CPLANE1: variants seen among roughly 807,000 people sequenced by gnomAD.
CPLANE1 encodes the protein ciliogenesis and planar polarity effector complex subunit 1, also known as ciliogenesis and planar polarity effector 1.
CPLANE1 carries 263 observed loss-of-function variants against 362.5 expected under a neutral mutation model. That is an observed-to-expected ratio of 0.73 (90% confidence interval 0.66 to 0.80). CPLANE1 has a LOEUF of 0.80. Among genes scored for constraint, CPLANE1 ranks in the 30% least tolerant of loss-of-function variants. CPLANE1 has a pLI of 0.00. For synonymous variants in CPLANE1, 1,212 were observed against 1,302.6 expected, an observed-to-expected ratio of 0.93 and a Z score of 1.50; for missense variants, 3,461 against 3,793.4, an observed-to-expected ratio of 0.91 and a Z score of 2.30.
At chr5:37,103,459 T>A (rs571940340), downstream of CPLANE1, among the ~76,000 whole-genome samples, 1 of 152,220 alleles carries the variant, frequency 6.6e-6, no homozygotes, top group African/African-American at 2.4e-5. Flanking sequence ...TGCTTCATAG[T>A]GTCACTGGTC....
chr5:37,187,327 G>A (rs1055834029), intron 23 of CPLANE1, 87 bp downstream of exon 23: 4 of 1,107,656 alleles, frequency 3.6e-6, no homozygotes, highest in Non-Finnish European at 5.1e-6. Context: ...CCAAAGAAAG[G>A]CAACATCATC....
At chr5:37,094,975 C>T in the CPLANE1 span, among the ~76,000 whole-genome samples, 6 of 152,178 alleles carry the variant, frequency 3.9e-5, no homozygotes, top group South Asian at 8.3e-4. Context: ...CAGGACCAGA[C>T]GGATTCACAA....
chr5:37,117,865 C>T (rs903735892), intron 50 of CPLANE1, among the ~76,000 whole-genome samples: 14 of 152,198 alleles, frequency 9.2e-5, no homozygotes, highest in African/African-American at 3.1e-4. Flanking sequence ...AAAATAAAGA[C>T]TTGAAATTGA....
intron 18 of CPLANE1, 71 bp from the exon 19 acceptor site, chr5:37,201,879 A>C (rs1433925620): frequency 9.3e-7 from 1 of 1,078,084 alleles, no homozygotes; most frequent in African/African-American, 1.6e-5. Context: ...TGTAGGAAAA[A>C]ATTTCAAATC....
intron 18 of CPLANE1, among the ~76,000 whole-genome samples, chr5:37,202,459 C>T (rs1338863763): frequency 2.0e-5 from 3 of 152,118 alleles, no homozygotes; most frequent in East Asian, 1.9e-4. Flanking sequence ...GCCATTTTTC[C>T]TTTTCTTAAT....
chr5:37,241,658 A>G (rs1468426064), intron 6 of CPLANE1, among the ~76,000 whole-genome samples: 8 of 152,032 alleles, frequency 5.3e-5, no homozygotes, highest in Non-Finnish European at 1.0e-4. Context: ...ACAGGGTCTC[A>G]CTCTGTCACC....
intron 32 of CPLANE1, among the ~76,000 whole-genome samples, chr5:37,171,907 C>G (rs1334668692): frequency 6.6e-6 from 1 of 152,104 alleles, no homozygotes; most frequent in Non-Finnish European, 1.5e-5. Context: ...CAACCTCAGC[C>G]TGCCGAGTAG....
At chr5:37,103,143 C>T (rs936980812), downstream of CPLANE1, among the ~76,000 whole-genome samples, 7 of 152,058 alleles carry the variant, frequency 4.6e-5, no homozygotes, top group South Asian at 2.1e-4. Flanking sequence ...TATGTAATGG[C>T]CTTCTTTTTT....
intron 16 of CPLANE1, among the ~76,000 whole-genome samples, chr5:37,207,187 T>G (rs1791005030): frequency 6.6e-6 from 1 of 152,206 alleles, no homozygotes; most frequent in African/African-American, 2.4e-5. Context: ...AAAAAATACA[T>G]GTTGATGGGA....
At chr5:37,085,708 C>T in the CPLANE1 span, 2 of 1,198,154 alleles carry the variant, frequency 1.7e-6, no homozygotes, top group Non-Finnish European at 2.5e-6. Context: ...TCAATGGCAA[C>T]AGCTTTGCTA....
chr5:37,240,183 T>C (rs1410132565), intron 6 of CPLANE1, among the ~76,000 whole-genome samples: 1 of 152,044 alleles, frequency 6.6e-6, no homozygotes, highest in Non-Finnish European at 1.5e-5. Context: ...AAATCCCGTC[T>C]CTGCTAAAAA....
intron 25 of CPLANE1, among the ~76,000 whole-genome samples, chr5:37,184,168 TACC>T (rs1475213648): frequency 6.6e-6 from 1 of 152,214 alleles, no homozygotes; most frequent in African/African-American, 2.4e-5. Context: ...TTTTTTGTTT[TACC>T]ACACAAAAAC....
chr5:37,133,022 G>A (rs901566465), intron 46 of CPLANE1, among the ~76,000 whole-genome samples: 66 of 152,228 alleles, frequency 4.3e-4, no homozygotes, highest in Middle Eastern at 3.4e-3. Flanking sequence ...CCTTTATAGG[G>A]AGTCATTTCC....
the CPLANE1 span, among the ~76,000 whole-genome samples, chr5:37,083,442 C>T: frequency 6.6e-6 from 1 of 152,070 alleles, no homozygotes; most frequent in African/African-American, 2.4e-5. Flanking sequence ...CCCTGATTTA[C>T]CTGAAAAAGA....
At chr5:37,178,289 C>CAAAAAT (rs961190170) in intron 29 of CPLANE1, among the ~76,000 whole-genome samples, 49 of 149,680 alleles carry the variant, frequency 3.3e-4, no homozygotes, top group Admixed American at 2.6e-3. Flanking sequence ...AAGACTGTCT[C>CAAAAAT]AAAAATAAAA....
At chr5:37,160,146 C>T (rs1247638108) in intron 38 of CPLANE1, among the ~76,000 whole-genome samples, 3 of 152,048 alleles carry the variant, frequency 2.0e-5, no homozygotes, top group Non-Finnish European at 4.4e-5. Flanking sequence ...TGGGCCTTCA[C>T]CTAGATGAAT....
At chr5:37,089,264 C>G in the CPLANE1 span, among the ~76,000 whole-genome samples, 1 of 152,162 alleles carries the variant, frequency 6.6e-6, no homozygotes, top group Admixed American at 6.5e-5. Flanking sequence ...CGCCCCCTAA[C>G]ATGCTATGAT....
Position 37,122,049 on chromosome 5 carries a change from T to C in CPLANE1, c.9018-265A>G, listed in dbSNP as rs546726843. ...CGCCTGGCCACCATGCCCGGCTAAT[T>C]TCACTTAGCATTTTCTTTCTTCAGC... On this transcript the variant is annotated intron_variant, in intron 48 of 52. Coordinates refer to ENST00000651892, the MANE Select transcript of CPLANE1 (RefSeq NM_001384732.1). Among the ~76,000 whole-genome samples, 88 of 152,238 alleles carry C rather than the reference T, an allele frequency of 5.8e-4. 1 individual carries two copies. The highest frequency in any genetic ancestry group is 4.4e-5 in the Non-Finnish European group (3 of 68,022).
At chr5:37,176,651 T>C (rs1246511371) in intron 30 of CPLANE1, among the ~76,000 whole-genome samples, 2 of 152,164 alleles carry the variant, frequency 1.3e-5, no homozygotes, top group South Asian at 2.1e-4. Context: ...AATAGAAGTA[T>C]CTAAATTACT....
Sources: gnomAD v4.1 joint callset for allele counts (sites outside exome capture counted in the v4.1 genomes callset) on GRCh38, gnomAD v4.1.1 for gene constraint, MANE v1.5 for transcripts, NCBI Gene and HGNC (gene_info 2026-07-23, HGNC 2026-07-21) for gene names.